EXOC2: variants seen among roughly 807,000 people sequenced by gnomAD.
EXOC2 encodes exocyst complex component 2, also known as SEC5-like 1.
Under a neutral mutation model 131.8 loss-of-function variants are expected in EXOC2, and 70 were observed. That is an observed-to-expected ratio of 0.53 (90% CI 0.44 to 0.65). The LOEUF (loss-of-function observed/expected upper bound fraction) is 0.65. Ranked by LOEUF, EXOC2 falls within the 30% of genes least tolerant of loss-of-function variation. The pLI is 0.00. For missense variants in EXOC2, 923 were observed against 1,108.6 expected (o/e 0.83, Z 2.38); for synonymous variants, 411 against 398.4 (o/e 1.03, Z -0.38).
intron 18 of EXOC2, 54 bp downstream of exon 18, chr6:556,430 T>C: frequency 6.4e-7 from 1 of 1,566,906 alleles, no homozygotes; most frequent in Non-Finnish European, 8.7e-7. Flanking sequence ...TTTACAACTA[T>C]GATTCCCAAG....
At chr6:619,689 T>TA (rs1268047442) in intron 4 of EXOC2, 146 bp from the exon 5 acceptor site, 1 of 540,342 alleles carries the variant, frequency 1.9e-6, no homozygotes, top group Non-Finnish European at 3.3e-6. Flanking sequence ...AACATGTTTG[T>TA]ATATATGTAC....
At chr6:498,310 C>G (rs1249671141) in intron 24 of EXOC2, among the ~76,000 whole-genome samples, 1 of 152,146 alleles carries the variant, frequency 6.6e-6, no homozygotes, top group Non-Finnish European at 1.5e-5. Flanking sequence ...TAAAAGCTGC[C>G]TCACTAGGAA....
intron 11 of EXOC2, among the ~76,000 whole-genome samples, chr6:582,946 C>T (rs1758995948): frequency 6.6e-6 from 1 of 152,004 alleles, no homozygotes; most frequent in Non-Finnish European, 1.5e-5. Flanking sequence ...AGCAAGAGTT[C>T]ACCAAAGGAA....
chr6:598,538 G>C (rs988326406), intron 9 of EXOC2, among the ~76,000 whole-genome samples: 3 of 152,170 alleles, frequency 2.0e-5, no homozygotes, highest in Non-Finnish European at 2.9e-5. Flanking sequence ...CTGAAGACGG[G>C]AAGATTAAAA....
At chr6:544,531 G>A (rs765924266) in intron 22 of EXOC2, among the ~76,000 whole-genome samples, 1 of 152,130 alleles carries the variant, frequency 6.6e-6, no homozygotes, top group Non-Finnish European at 1.5e-5. Context: ...AAAATAGCCT[G>A]TAAACAAAAT....
chr6:564,485 T>C, intron 15 of EXOC2, 60 bp downstream of exon 15: 1 of 1,601,312 alleles, frequency 6.2e-7, no homozygotes, highest in Non-Finnish European at 8.5e-7. Flanking sequence ...GTATTAATTC[T>C]TTCCAAAAAG....
chr6:548,093 G>A (rs1189416313), intron 22 of EXOC2, among the ~76,000 whole-genome samples: 1 of 152,068 alleles, frequency 6.6e-6, no homozygotes, highest in Non-Finnish European at 1.5e-5. Context: ...CTTTTTTACT[G>A]CAAGATAGCA....
intron 25 of EXOC2, among the ~76,000 whole-genome samples, chr6:496,868 C>CAG (rs1483164502): frequency 1.3e-5 from 2 of 152,196 alleles, no homozygotes; most frequent in African/African-American, 4.8e-5. Flanking sequence ...AGCTCCCAGG[C>CAG]AGAAGTGCAC....
At chr6:599,608 T>C (rs771291313) in intron 7 of EXOC2, among the ~76,000 whole-genome samples, 4 of 152,198 alleles carry the variant, frequency 2.6e-5, no homozygotes, top group Non-Finnish European at 5.9e-5. Context: ...ACGTGTACAT[T>C]AGCTAAATTC....
intron 11 of EXOC2, among the ~76,000 whole-genome samples, chr6:578,027 T>C: frequency 6.6e-6 from 1 of 152,218 alleles, no homozygotes; most frequent in Non-Finnish European, 1.5e-5. Flanking sequence ...CAGCTAGGTA[T>C]TGCCTATCTC....
At chr6:673,111 A>T (rs958734451) in intron 1 of EXOC2, among the ~76,000 whole-genome samples, 1 of 151,770 alleles carries the variant, frequency 6.6e-6, no homozygotes. Flanking sequence ...AATACAAAAA[A>T]ATTAGCTGGG....
chr6:544,870 G>A (rs957662465), intron 22 of EXOC2, among the ~76,000 whole-genome samples: 6 of 152,142 alleles, frequency 3.9e-5, no homozygotes, highest in South Asian at 2.1e-4. Context: ...ACTTCAGGCC[G>A]GGCGCGGTGG....
intron 11 of EXOC2, among the ~76,000 whole-genome samples, chr6:588,633 G>A (rs1290645980): frequency 6.6e-6 from 1 of 152,220 alleles, no homozygotes; most frequent in Non-Finnish European, 1.5e-5. Context: ...GATTACAGGC[G>A]TGGGCCACCG....
At chr6:491,500 A>G (rs1177445054) in intron 25 of EXOC2, among the ~76,000 whole-genome samples, 2 of 152,160 alleles carry the variant, frequency 1.3e-5, no homozygotes, top group South Asian at 2.1e-4. Flanking sequence ...CTAACCACTA[A>G]TTTTTCTTTT....
intron 17 of EXOC2, among the ~76,000 whole-genome samples, chr6:561,215 G>A (rs1435509494): frequency 6.6e-6 from 1 of 152,098 alleles, no homozygotes; most frequent in Non-Finnish European, 1.5e-5. Context: ...AATAGAATGA[G>A]TCAAAAATTC....
In EXOC2 at chr6:562,962, C is replaced by T. The variant is rs546051594; in HGVS notation, c.1790-117G>A. 2.3e-5 allele frequency: 14 copies of T among 602,486 alleles called. 1 individual carries two copies. Among genetic ancestry groups the T allele is most frequent in the African/African-American group, 1.9e-4 (10 of 52,326 alleles). The allele number at this position is 602,486 out of a possible 1,614,324, so 37.3% of individuals were successfully genotyped here. A position where few individuals can be genotyped will look rare whatever the true frequency, so the allele number is the denominator to read the frequency against. The stretch of plus-strand genomic sequence containing the variant: ...TGTTTTATATAGGTTTGTAAAAACT[C>T]GATGAAAGTAGGCAAAGAATATAAT... On this transcript the variant is annotated intron_variant, in intron 16 of 27. Coordinates refer to ENST00000230449, the MANE Select transcript of EXOC2 (RefSeq NM_018303.6).
intron 11 of EXOC2, among the ~76,000 whole-genome samples, chr6:583,566 C>T (rs1461588668): frequency 3.3e-5 from 5 of 152,206 alleles, no homozygotes; most frequent in Non-Finnish European, 7.3e-5. Context: ...TGGGGATCTA[C>T]AAATGAGTGC....
intron 6 of EXOC2, among the ~76,000 whole-genome samples, chr6:614,616 A>G (rs1054760621): frequency 1.3e-5 from 2 of 152,220 alleles, no homozygotes; most frequent in East Asian, 3.8e-4. Flanking sequence ...TAAATATATT[A>G]TCATCAAGAG....
intron 13 of EXOC2, among the ~76,000 whole-genome samples, chr6:570,716 A>G (rs1479505165): frequency 6.6e-6 from 1 of 152,244 alleles, no homozygotes. Flanking sequence ...AAGCAGGTGC[A>G]GAGAAGTAAT....
Sources: gnomAD v4.1 joint callset for allele counts (sites outside exome capture counted in the v4.1 genomes callset) on GRCh38, gnomAD v4.1.1 for gene constraint, MANE v1.5 for transcripts, NCBI Gene and HGNC (gene_info 2026-07-23, HGNC 2026-07-21) for gene names.